Variants in TTC23L observed in about 807,000 individuals in gnomAD.
The protein encoded by TTC23L is tetratricopeptide repeat domain 23 like.
In TTC23L, 42 loss-of-function variants were observed where a neutral mutation model predicts 48.1. The ratio of observed to expected loss-of-function variants is 0.87; its 90% CI spans 0.68 to 1.13. The LOEUF (loss-of-function observed/expected upper bound fraction) is 1.13. Among genes scored for constraint, TTC23L ranks in the 50% most tolerant of loss-of-function variants. The pLI, the probability that TTC23L is intolerant of heterozygous loss-of-function variation, is 0.00. For missense variants in TTC23L, 391 were observed against 421.0 expected, an observed-to-expected ratio of 0.93 and a Z score of 0.62; for synonymous variants, 159 against 157.2, an observed-to-expected ratio of 1.01 and a Z score of -0.09.
the TTC23L span, chr5:34,906,428 C>A: frequency 6.6e-6 from 1 of 152,058 alleles, no homozygotes. Flanking sequence ...TGCTTGAGCT[C>A]AGGAGTTCAA....
chr5:34,840,383 C>T (rs17523495), intron 1 of TTC23L, among the ~76,000 whole-genome samples: 15,696 of 152,124 alleles, frequency 0.1, 1,058 homozygotes, highest in South Asian at 0.14. Context: ...GTTTTGATGA[C>T]CCAGGAACTG....
At chr5:34,914,836 G>A in the TTC23L span, 1 of 1,614,208 alleles carries the variant, frequency 6.2e-7, no homozygotes, top group Admixed American at 1.7e-5. Context: ...TGTCAAGGCT[G>A]GCCACAAGGC....
the TTC23L span, chr5:34,925,606 C>T: frequency 1.1e-6 from 1 of 886,336 alleles, no homozygotes. Flanking sequence ...GTAGCATTTA[C>T]AAGAAAGAAA....
At chr5:34,881,127 T>C (rs1020077424) in intron 9 of TTC23L, among the ~76,000 whole-genome samples, 14 of 152,248 alleles carry the variant, frequency 9.2e-5, no homozygotes, top group African/African-American at 2.9e-4. Flanking sequence ...AAAATATTTT[T>C]CTTGTATCTT....
Position 34,879,346 on chromosome 5 carries a change from C to A in TTC23L, c.950-835C>A, listed in dbSNP as rs554504805. ...ACACACAAGAAAAGTATGGTATTGG[C>A]AAAATTTTCCCATTGTTTCTGTGTA... On this transcript the variant is annotated intron_variant, in intron 8 of 10. Coordinates refer to ENST00000505624, the Ensembl canonical transcript of TTC23L. Among the ~76,000 whole-genome samples, 11 of 152,124 alleles carry A rather than the reference C, an allele frequency of 7.2e-5. No individual in the cohort carries two copies. The East Asian group carries it at 1.9e-3, about 27-fold the overall frequency.
the TTC23L span, chr5:34,915,869 G>A: frequency 2.6e-6 from 4 of 1,561,938 alleles, no homozygotes; most frequent in South Asian, 1.2e-5. Context: ...GAAGAAGAGA[G>A]GGACCGGATC....
intron 3 of TTC23L, among the ~76,000 whole-genome samples, chr5:34,848,563 A>G (rs34728642): frequency 0.26 from 38,882 of 152,106 alleles, 5,095 homozygotes; most frequent in Middle Eastern, 0.32. Flanking sequence ...AAAATAGGTA[A>G]TGGGATATTG....
the TTC23L span, among the ~76,000 whole-genome samples, chr5:34,912,324 G>A: frequency 6.6e-6 from 1 of 152,182 alleles, no homozygotes; most frequent in Non-Finnish European, 1.5e-5. Flanking sequence ...GAGAGAAAAA[G>A]AGGGTTGTTA....
At chr5:34,848,330 G>A (rs1311916560) in intron 3 of TTC23L, among the ~76,000 whole-genome samples, 2 of 152,144 alleles carry the variant, frequency 1.3e-5, no homozygotes, top group Non-Finnish European at 2.9e-5. Context: ...TTCTATAGGG[G>A]TAGAGGATTA....
At chr5:34,907,814 A>G in the TTC23L span, 3 of 152,226 alleles carry the variant, frequency 2.0e-5, no homozygotes, top group African/African-American at 7.2e-5. Flanking sequence ...GTGATGCCTC[A>G]ACTTCAGAAC....
chr5:34,896,353 G>C (rs527814136), intron 9 of TTC23L, among the ~76,000 whole-genome samples: 1 of 152,256 alleles, frequency 6.6e-6, no homozygotes, highest in African/African-American at 2.4e-5. Flanking sequence ...GTCTGCCCTG[G>C]GGTACGGGTG....
the TTC23L span, chr5:34,915,855 G>A: frequency 3.2e-6 from 5 of 1,565,170 alleles, no homozygotes; most frequent in East Asian, 9.5e-5. Flanking sequence ...CAGAGGAGGT[G>A]GAGGAAGAAG....
intron 8 of TTC23L, among the ~76,000 whole-genome samples, chr5:34,876,170 A>G (rs1333461951): frequency 3.3e-5 from 5 of 152,190 alleles, no homozygotes; most frequent in African/African-American, 1.2e-4. Context: ...ATATTAGAAA[A>G]GAGATCTAAA....
chr5:34,911,602 G>T, the TTC23L span: 1 of 1,614,110 alleles, frequency 6.2e-7, no homozygotes, highest in Non-Finnish European at 8.5e-7. Flanking sequence ...GACTTCACTC[G>T]TCATATCCAA....
the TTC23L span, among the ~76,000 whole-genome samples, chr5:34,912,655 C>T: frequency 6.6e-6 from 1 of 152,092 alleles, no homozygotes; most frequent in Non-Finnish European, 1.5e-5. Context: ...AATTCAATTT[C>T]ACCATTCTTA....
At chr5:34,922,410 C>A in the TTC23L span, 2 of 895,808 alleles carry the variant, frequency 2.2e-6, no homozygotes, top group Non-Finnish European at 3.5e-6. Flanking sequence ...CTTTTGATTT[C>A]ACGAAACTTG....
At chr5:34,873,647 C>G (rs1761631006) in intron 8 of TTC23L, among the ~76,000 whole-genome samples, 1 of 152,176 alleles carries the variant, frequency 6.6e-6, no homozygotes. Context: ...AGTTGCTGTT[C>G]TGGTTGGTGT....
At chr5:34,886,804 C>T (rs764681657) in intron 9 of TTC23L, among the ~76,000 whole-genome samples, 1 of 152,002 alleles carries the variant, frequency 6.6e-6, no homozygotes, top group African/African-American at 2.4e-5. Flanking sequence ...AGAGTAACAC[C>T]CTAATCTTGA....
At chr5:34,885,316 G>A (rs1052277406) in intron 9 of TTC23L, among the ~76,000 whole-genome samples, 1 of 152,170 alleles carries the variant, frequency 6.6e-6, no homozygotes, top group African/African-American at 2.4e-5. Context: ...AACATTACTG[G>A]AACAATTGGG....
Sources: allele counts gnomAD v4.1 joint callset (sites outside exome capture counted in the v4.1 genomes callset), GRCh38; gene constraint gnomAD v4.1.1; transcripts MANE v1.5; gene names NCBI Gene and HGNC (gene_info 2026-07-23, HGNC 2026-07-21).